DPP6: variants seen among roughly 807,000 people sequenced by gnomAD.
DPP6 encodes A-type potassium channel modulatory protein DPP6.
A neutral mutation model predicts 122.6 loss-of-function variants in DPP6; 69 were observed. That is an observed-to-expected ratio of 0.56 (90% CI 0.46 to 0.69). The LOEUF is 0.69. DPP6 is among the 30% of genes least tolerant of loss of function. The pLI is 0.00. For synonymous variants in DPP6, 418 were observed against 433.1 expected (o/e 0.97, Z 0.43); for missense variants, 928 against 1,116.9 (o/e 0.83, Z 2.41).
At chr7:153,974,991 G>A (rs1796219864) in intron 1 of DPP6, among the ~76,000 whole-genome samples, 1 of 152,148 alleles carries the variant, frequency 6.6e-6, no homozygotes, top group African/African-American at 2.4e-5. Context: ...GCTCACATTT[G>A]GCTAAGGCTT....
intron 1 of DPP6, among the ~76,000 whole-genome samples, chr7:154,252,682 A>G (rs1476392748): frequency 6.6e-6 from 1 of 152,188 alleles, no homozygotes; most frequent in African/African-American, 2.4e-5. Context: ...CAAAAACTAC[A>G]TGAGAGACTT....
At chr7:153,964,423 C>T (rs566150729) in intron 1 of DPP6, among the ~76,000 whole-genome samples, 12 of 152,232 alleles carry the variant, frequency 7.9e-5, no homozygotes, top group South Asian at 6.2e-4. Flanking sequence ...GTTCTGGAGA[C>T]GCTACCGCTT....
the DPP6 span, among the ~76,000 whole-genome samples, chr7:153,839,460 T>C: frequency 0.072 from 10,898 of 152,236 alleles, 1,297 homozygotes; most frequent in African/African-American, 0.25. Flanking sequence ...TGATGGACCC[T>C]GAACGCTAAC....
chr7:154,791,123 A>G (rs1262283419), intron 10 of DPP6, among the ~76,000 whole-genome samples: 1 of 152,064 alleles, frequency 6.6e-6, no homozygotes, highest in African/African-American at 2.4e-5. Flanking sequence ...ATGGTGGCAG[A>G]CATCTGTAAT....
chr7:154,126,611 C>T (rs1205223339), intron 1 of DPP6, among the ~76,000 whole-genome samples: 43 of 151,200 alleles, frequency 2.8e-4, no homozygotes, highest in Admixed American at 6.6e-5. Flanking sequence ...TCGAGCATCA[C>T]GATTCGAAAC....
intron 1 of DPP6, among the ~76,000 whole-genome samples, chr7:154,375,955 G>A (rs1002474189): frequency 6.6e-6 from 1 of 152,118 alleles, no homozygotes; most frequent in South Asian, 2.1e-4. Flanking sequence ...GGCCCACCTC[G>A]AGGGGCCCAG....
intron 1 of DPP6, among the ~76,000 whole-genome samples, chr7:153,969,111 ATATC>A (rs1430286351): frequency 2.0e-5 from 3 of 150,878 alleles, no homozygotes; most frequent in African/African-American, 7.4e-5. Flanking sequence ...TCTTGGGTAG[ATATC>A]TAAGAGTGGA....
At chr7:153,936,721 A>C (rs555233535) in intron 1 of DPP6, among the ~76,000 whole-genome samples, 1 of 152,132 alleles carries the variant, frequency 6.6e-6, no homozygotes, top group South Asian at 2.1e-4. Context: ...TGAGGCAGGA[A>C]AATGGCGTGA....
At chr7:154,375,202 G>A (rs995720162) in intron 1 of DPP6, among the ~76,000 whole-genome samples, 1 of 151,994 alleles carries the variant, frequency 6.6e-6, no homozygotes. Context: ...GTGAAATGGG[G>A]GAGTGGATTA....
the DPP6 span, among the ~76,000 whole-genome samples, chr7:153,785,677 C>T: frequency 1.3e-5 from 2 of 152,032 alleles, no homozygotes; most frequent in Admixed American, 1.3e-4. Context: ...GTGTCTTGCT[C>T]TGTTGCCCAG....
chr7:154,854,790 G>A (rs1802692007), intron 17 of DPP6, among the ~76,000 whole-genome samples: 1 of 152,208 alleles, frequency 6.6e-6, no homozygotes, highest in South Asian at 2.1e-4. Context: ...GCTGTGTGCA[G>A]TGGGAGGCAG....
chr7:154,569,072 A>G (rs1830947958), intron 5 of DPP6, among the ~76,000 whole-genome samples: 1 of 152,140 alleles, frequency 6.6e-6, no homozygotes, highest in African/African-American at 2.4e-5. Flanking sequence ...CAAGTTCTTG[A>G]AATTCTATCA....
chr7:153,905,767 G>A (rs1012932262), intron 1 of DPP6, among the ~76,000 whole-genome samples: 3 of 152,196 alleles, frequency 2.0e-5, no homozygotes, highest in Non-Finnish European at 2.9e-5. Flanking sequence ...CTAGGTGTAA[G>A]GATGTGCTCT....
intron 2 of DPP6, among the ~76,000 whole-genome samples, chr7:154,458,319 C>A (rs1820980104): frequency 6.6e-6 from 1 of 152,190 alleles, no homozygotes; most frequent in Non-Finnish European, 1.5e-5. Flanking sequence ...TGCACATGCC[C>A]TCTTGCCTGC....
At chr7:154,085,763 T>G (rs1434775362) in intron 1 of DPP6, among the ~76,000 whole-genome samples, 1 of 152,242 alleles carries the variant, frequency 6.6e-6, no homozygotes, top group Non-Finnish European at 1.5e-5. Context: ...AGTCTCATAC[T>G]GTCACCCAGG....
At chr7:154,531,911 A>T (rs570464903) in intron 3 of DPP6, among the ~76,000 whole-genome samples, 151 of 152,256 alleles carry the variant, frequency 9.9e-4, no homozygotes, top group Non-Finnish European at 1.9e-3. Flanking sequence ...ATGCAAAGAA[A>T]TGCAACTAAA....
chr7:154,876,336 T>A (rs994674081), intron 20 of DPP6: 3 of 693,906 alleles, frequency 4.3e-6, no homozygotes, highest in Non-Finnish European at 6.1e-6. Flanking sequence ...TTGAGTTGAC[T>A]AAAACAAGGG....
chr7:154,549,464 G>A (rs775174874), intron 4 of DPP6, among the ~76,000 whole-genome samples: 16 of 152,258 alleles, frequency 1.1e-4, no homozygotes, highest in Middle Eastern at 3.4e-3. Flanking sequence ...TAATCAGTAC[G>A]TCAACAATTT....
intron 1 of DPP6, among the ~76,000 whole-genome samples, chr7:153,925,647 G>C (rs1231666638): frequency 6.6e-6 from 1 of 152,032 alleles, no homozygotes; most frequent in Non-Finnish European, 1.5e-5. Context: ...GATAAAGGGA[G>C]ATCATCCCAC....
Sources: allele counts gnomAD v4.1 joint callset (sites outside exome capture counted in the v4.1 genomes callset), GRCh38; gene constraint gnomAD v4.1.1; transcripts MANE v1.5; gene names NCBI Gene and HGNC (gene_info 2026-07-23, HGNC 2026-07-21).